Variants in ABLIM1 observed in about 807,000 individuals in gnomAD.
ABLIM1 encodes the protein actin binding LIM protein 1.
In ABLIM1, 40 loss-of-function variants were observed where a neutral mutation model predicts 107.0. The ratio of observed to expected loss-of-function variants is 0.37; its 90% CI spans 0.29 to 0.49. The LOEUF (loss-of-function observed/expected upper bound fraction) is 0.49, where lower values mean the gene tolerates loss of function less well. Among genes scored for constraint, ABLIM1 ranks in the 20% least tolerant of loss-of-function variants. The pLI is 0.97. For missense variants in ABLIM1, 857 were observed against 1,008.5 expected (o/e 0.85, Z 2.04); for synonymous variants, 357 against 357.3 (o/e 1.00, Z 0.01).
upstream of ABLIM1, among the ~76,000 whole-genome samples, chr10:114,662,976 A>T (rs2079857792): frequency 6.6e-6 from 1 of 152,180 alleles, no homozygotes; most frequent in Non-Finnish European, 1.5e-5. Context: ...CTCAAACTCC[A>T]TATGTTAGAC....
At chr10:114,600,397 T>G (rs1447480169) in intron 2 of ABLIM1, among the ~76,000 whole-genome samples, 2 of 152,196 alleles carry the variant, frequency 1.3e-5, no homozygotes, top group Non-Finnish European at 2.9e-5. Context: ...GTTAAGCTCA[T>G]GCCCTCCACT....
the ABLIM1 span, among the ~76,000 whole-genome samples, chr10:114,785,532 A>G: frequency 6.6e-6 from 1 of 152,180 alleles, no homozygotes; most frequent in African/African-American, 2.4e-5. Context: ...TAGCATTCTT[A>G]GTATAATGGG....
chr10:114,510,955 G>C (rs559898201), intron 6 of ABLIM1, among the ~76,000 whole-genome samples: 4 of 151,900 alleles, frequency 2.6e-5, no homozygotes, highest in Non-Finnish European at 4.4e-5. Flanking sequence ...CCTGCCACAG[G>C]GTCTTTTCAG....
the ABLIM1 span, among the ~76,000 whole-genome samples, chr10:114,794,371 CA>C: frequency 6.6e-6 from 1 of 152,160 alleles, no homozygotes; most frequent in Non-Finnish European, 1.5e-5. Context: ...TATTTATTCC[CA>C]TATGCCCAAC....
intron 15 of ABLIM1, 116 bp downstream of exon 15, chr10:114,447,764 C>T (rs894829084): frequency 6.3e-6 from 9 of 1,424,402 alleles, no homozygotes; most frequent in Non-Finnish European, 8.6e-6. Context: ...ACCTCTTGGT[C>T]ATACTTTTCT....
At chr10:114,543,847 C>T (rs2066987073) in intron 6 of ABLIM1, among the ~76,000 whole-genome samples, 1 of 152,228 alleles carries the variant, frequency 6.6e-6, no homozygotes, top group Non-Finnish European at 1.5e-5. Context: ...GCTCCCTCTT[C>T]CCAGAACCCT....
chr10:114,518,551 T>C (rs1209810177), intron 6 of ABLIM1, among the ~76,000 whole-genome samples: 1 of 152,026 alleles, frequency 6.6e-6, no homozygotes. Context: ...TGTTTACTTT[T>C]TACCTGATAC....
chr10:114,490,993 T>TGC (rs1303389794), intron 7 of ABLIM1, among the ~76,000 whole-genome samples: 1 of 95,314 alleles, frequency 1.0e-5, no homozygotes, highest in African/African-American at 5.3e-5. Context: ...TGTGTGTGTG[T>TGC]GTGTGTGTGT....
In ABLIM1 at chr10:114,619,379, T is replaced by C. The variant is rs1302727498; in HGVS notation, c.245-17418A>G. 1.3e-5 allele frequency among the ~76,000 whole-genome samples: 2 copies of C among 152,040 alleles called. No individual in the cohort carries two copies. The highest frequency in any genetic ancestry group is 2.4e-5 in the African/African-American group (1 of 41,378). The stretch of plus-strand genomic sequence containing the variant: ...GCCTGGCTAATTTTTTTATTTTTAG[T>C]AGAGACGAGGTTTCACTATGTTGCC... On this transcript the variant is annotated intron_variant, in intron 1 of 22. Transcript: ENST00000533213. The surrounding 1 kb of genome is among the most constrained non-coding windows in gnomAD (Gnocchi z 4.1).
chr10:114,774,327 G>A, the ABLIM1 span, among the ~76,000 whole-genome samples: 227 of 152,302 alleles, frequency 1.5e-3, no homozygotes, highest in Non-Finnish European at 2.7e-3. Flanking sequence ...CATGGCTTCT[G>A]ACTAGAGGAA....
intron 1 of ABLIM1, among the ~76,000 whole-genome samples, chr10:114,625,384 G>T (rs897366656): frequency 2.6e-5 from 4 of 152,092 alleles, no homozygotes; most frequent in Admixed American, 2.6e-4. Context: ...TGTCTGTGTG[G>T]GTGTGTGTTT....
At chr10:114,531,279 G>A (rs547205801) in intron 6 of ABLIM1, among the ~76,000 whole-genome samples, 1 of 152,134 alleles carries the variant, frequency 6.6e-6, no homozygotes, top group Non-Finnish European at 1.5e-5. Context: ...ATTTCTTGAG[G>A]CCCGGTATGT....
intron 20 of ABLIM1, 131 bp from the exon 21 acceptor site, chr10:114,439,381 C>A: frequency 1.1e-6 from 1 of 910,574 alleles, no homozygotes; most frequent in Non-Finnish European, 1.8e-6. Flanking sequence ...ATCTAAATGA[C>A]CATGTATTTT....
chr10:114,704,638 TG>T (rs1320679496), intron 1 of ABLIM1, among the ~76,000 whole-genome samples: 1 of 16,760 alleles, frequency 6.0e-5, no homozygotes, highest in Admixed American at 6.7e-4. Context: ...CTAAGGGGGG[TG>T]GGGGTGGGGA....
At chr10:114,770,151 G>A (rs567764880), upstream of ABLIM1, among the ~76,000 whole-genome samples, 25 of 152,214 alleles carry the variant, frequency 1.6e-4, no homozygotes, top group South Asian at 5.2e-3. Context: ...CTACTATGAG[G>A]TTATTAGTGG....
At chr10:114,537,543 G>A (rs2066174470) in intron 6 of ABLIM1, among the ~76,000 whole-genome samples, 1 of 152,164 alleles carries the variant, frequency 6.6e-6, no homozygotes, top group Non-Finnish European at 1.5e-5. Flanking sequence ...ACACCAATTA[G>A]ATCCAGAGTC....
At chr10:114,444,230 A>C (rs2060685291) in intron 16 of ABLIM1, 96 bp from the exon 17 acceptor site, 1 of 1,083,374 alleles carries the variant, frequency 9.2e-7, no homozygotes, top group Non-Finnish European at 1.3e-6. Flanking sequence ...ATCCCACAAG[A>C]AGTTTCTCTT....
chr10:114,506,143 C>A (rs1326871867), intron 6 of ABLIM1, among the ~76,000 whole-genome samples: 2 of 152,166 alleles, frequency 1.3e-5, no homozygotes, highest in African/African-American at 4.8e-5. Flanking sequence ...ATTAGTTCAC[C>A]TAGGATAACA....
chr10:114,526,828 G>A (rs1486424718), intron 6 of ABLIM1: 13 of 985,410 alleles, frequency 1.3e-5, no homozygotes, highest in Non-Finnish European at 1.6e-5. Flanking sequence ...GCTTCTCTCC[G>A]AAGCTCGGCT....
Sources: gnomAD v4.1 joint callset for allele counts (sites outside exome capture counted in the v4.1 genomes callset) on GRCh38, gnomAD v4.1.1 for gene constraint, Gnocchi (gnomAD v3.1) non-coding constraint, MANE v1.5 for transcripts, NCBI Gene and HGNC (gene_info 2026-07-23, HGNC 2026-07-21) for gene names.